The following TRABD2B variants were observed in gnomAD, a reference collection of about 807,000 sequenced individuals.
The protein encoded by TRABD2B is TraB domain containing 2B.
In TRABD2B, 14 loss-of-function variants were observed where a neutral mutation model predicts 40.1. That is an observed-to-expected ratio of 0.35 (90% CI 0.23 to 0.55). TRABD2B has a LOEUF of 0.55. Ranked by LOEUF, TRABD2B falls within the 20% of genes least tolerant of loss-of-function variation. The pLI is 0.90. For synonymous variants in TRABD2B, 263 were observed against 277.0 expected, an observed-to-expected ratio of 0.95 and a Z score of 0.50; for missense variants, 541 against 648.6, an observed-to-expected ratio of 0.83 and a Z score of 1.80.
chr1:47,927,801 G>A (rs934696402), intron 2 of TRABD2B, among the ~76,000 whole-genome samples: 1 of 152,196 alleles, frequency 6.6e-6, no homozygotes, highest in African/African-American at 2.4e-5. Flanking sequence ...TCCTTGCCCT[G>A]ATCTTTGCAT....
rs376044429 is a variant in TRABD2B, at chr1:47,930,688, C to T, written c.666+63346G>A. Reference sequence around the variant, plus strand: ...TCTCCTCTTCAAGGATCCCTTATCCCGAGAAAGAACATCTCAAGCCTGTGA... The same window carrying T: ...TCTCCTCTTCAAGGATCCCTTATCCTGAGAAAGAACATCTCAAGCCTGTGA... On this transcript the variant is annotated intron_variant, in intron 2 of 6. Coordinates refer to ENST00000606738, the MANE Select transcript of TRABD2B (RefSeq NM_001194986.2). 1.8e-4 allele frequency among the ~76,000 whole-genome samples: 27 copies of T among 152,228 alleles called. No individual in the cohort carries two copies. The South Asian group carries it at 4.6e-3, about 26-fold the overall frequency.
At chr1:47,820,848 C>T (rs1187934659) in intron 2 of TRABD2B, among the ~76,000 whole-genome samples, 2 of 151,346 alleles carry the variant, frequency 1.3e-5, no homozygotes, top group Non-Finnish European at 2.9e-5. Context: ...TTCCCATAAT[C>T]CATGAAGGAA....
At chr1:47,933,282 T>G (rs1014255491) in intron 2 of TRABD2B, among the ~76,000 whole-genome samples, 2 of 151,356 alleles carry the variant, frequency 1.3e-5, no homozygotes, top group Non-Finnish European at 2.9e-5. Flanking sequence ...ATTTTTTTTT[T>G]TGTATTTTTT....
intron 2 of TRABD2B, among the ~76,000 whole-genome samples, chr1:47,909,559 A>G (rs1244959808): frequency 5.1e-5 from 6 of 117,416 alleles, no homozygotes; most frequent in Non-Finnish European, 6.9e-5. Context: ...AAGAAGGAAG[A>G]AGGAGGAGGA....
At chr1:47,912,851 C>T (rs1449916654) in intron 2 of TRABD2B, among the ~76,000 whole-genome samples, 1 of 152,142 alleles carries the variant, frequency 6.6e-6, no homozygotes, top group African/African-American at 2.4e-5. Flanking sequence ...CTAGTCATTA[C>T]CATCTCCAGG....
intron 4 of TRABD2B, among the ~76,000 whole-genome samples, chr1:47,786,847 G>A (rs1644602131): frequency 1.3e-5 from 2 of 152,118 alleles, no homozygotes; most frequent in African/African-American, 2.4e-5. Context: ...CTATAGGCAT[G>A]CATCACCATG....
intron 2 of TRABD2B, among the ~76,000 whole-genome samples, chr1:47,881,430 C>T (rs1002389404): frequency 6.6e-6 from 1 of 152,180 alleles, no homozygotes; most frequent in Admixed American, 6.5e-5. Flanking sequence ...TTAGTATACA[C>T]CAGGAACTCT....
In TRABD2B at chr1:47,794,501, T is replaced by C; in HGVS notation, c.988+85A>G. 3 of 1,381,588 alleles carry C rather than the reference T, an allele frequency of 2.2e-6. No homozygotes were observed. The East Asian group carries it at 8.0e-5, about 37-fold the overall frequency. The allele number at this position is 1,381,588 out of a possible 1,614,324, so 85.6% of individuals were successfully genotyped here. A position where few individuals can be genotyped will look rare whatever the true frequency, so the allele number is the denominator to read the frequency against. ...CTGCCCCATCCTGGGCCTCGACTTC[T>C]CCCTCGATGAAGTAGAGGTTAGGGG... is the stretch of plus-strand genomic sequence containing the variant. On this transcript the variant is annotated intron_variant, in intron 4 of 6. Transcript: ENST00000606738.
At position 47,918,109 on chromosome 1, in the gene TRABD2B, T is replaced by A. The variant is rs895215150; in HGVS notation, c.666+75925A>T. ...CTGCTTTTAAGGCCCAGTCAGAACA[T>A]CACCTTCACTCTACAGCCTGCTGTG... On this transcript the variant is annotated intron_variant, in intron 2 of 6. Coordinates refer to ENST00000606738, the MANE Select transcript of TRABD2B (RefSeq NM_001194986.2). 2.0e-5 allele frequency among the ~76,000 whole-genome samples: 3 copies of A among 152,326 alleles called. No individual in the cohort carries two copies. The South Asian group carries it at 6.2e-4, about 32-fold the overall frequency.
intron 2 of TRABD2B, among the ~76,000 whole-genome samples, chr1:47,833,586 C>A (rs72894215): frequency 0.012 from 1,828 of 152,348 alleles, 41 homozygotes; most frequent in African/African-American, 0.042. Flanking sequence ...TGGAGTCTCA[C>A]TGCCTCTAGT....
chr1:47,875,674 C>CAAAA lies in TRABD2B; in HGVS notation c.667-74059_667-74056dup, dbSNP rs10541556. ...TGCACAACAGAGTGAAACCCTGTCT[C>CAAAA]AAAAAAAAAAAAAAAAAAAAAAAAA... is the stretch of plus-strand genomic sequence containing the variant. On this transcript the variant is annotated intron_variant, in intron 2 of 6. Coordinates refer to ENST00000606738, the MANE Select transcript of TRABD2B (RefSeq NM_001194986.2). 1.6e-4 allele frequency among the ~76,000 whole-genome samples: 12 copies of CAAAA among 75,934 alleles called. No individual in the cohort carries two copies. The South Asian group carries it at 3.2e-3, about 20-fold the overall frequency. 49.8% of individuals were successfully genotyped at this position (75,934 alleles called of 152,430 possible). A position where few individuals can be genotyped will look rare whatever the true frequency, so the allele number is the denominator to read the frequency against.
intron 2 of TRABD2B, among the ~76,000 whole-genome samples, chr1:47,886,394 T>C (rs1644371572): frequency 6.6e-6 from 1 of 152,210 alleles, no homozygotes. Flanking sequence ...TTGCTTCTTG[T>C]TCCTCTCTAC....
intron 2 of TRABD2B, among the ~76,000 whole-genome samples, chr1:47,957,730 T>A (rs1419130796): frequency 6.6e-6 from 1 of 152,172 alleles, no homozygotes; most frequent in Non-Finnish European, 1.5e-5. Context: ...AATCTACATC[T>A]GATTGGTGTA....
At chr1:47,833,961 T>G (rs1645283852) in intron 2 of TRABD2B, among the ~76,000 whole-genome samples, 1 of 152,244 alleles carries the variant, frequency 6.6e-6, no homozygotes. Context: ...GTAAGCTTTG[T>G]GGCATTTTAA....
intron 5 of TRABD2B, among the ~76,000 whole-genome samples, chr1:47,777,303 C>T (rs906358979): frequency 1.3e-5 from 2 of 152,200 alleles, no homozygotes; most frequent in Non-Finnish European, 2.9e-5. Flanking sequence ...CACATGCTTG[C>T]CCCTGGCCCC....
intron 2 of TRABD2B, among the ~76,000 whole-genome samples, chr1:47,837,791 A>G (rs1446173595): frequency 1.3e-5 from 2 of 152,222 alleles, no homozygotes; most frequent in Non-Finnish European, 1.5e-5. Flanking sequence ...GTAGCCTGCT[A>G]TGGGCCAGGC....
intron 2 of TRABD2B, among the ~76,000 whole-genome samples, chr1:47,876,164 T>C (rs1192471548): frequency 6.6e-6 from 1 of 152,194 alleles, no homozygotes; most frequent in Non-Finnish European, 1.5e-5. Flanking sequence ...GACTTGTCAC[T>C]GAGCTTGAAC....
intron 2 of TRABD2B, among the ~76,000 whole-genome samples, chr1:47,962,263 A>C (rs924006214): frequency 1.3e-5 from 2 of 152,106 alleles, no homozygotes; most frequent in Non-Finnish European, 1.5e-5. Context: ...ACCTAATGTA[A>C]ATGACGAGTT....
chr1:47,920,762 C>G (rs928372470), intron 2 of TRABD2B, among the ~76,000 whole-genome samples: 6 of 152,162 alleles, frequency 3.9e-5, no homozygotes, highest in African/African-American at 1.4e-4. Flanking sequence ...GTGCTGAGCA[C>G]AGGGTTGCGT....
Sources: allele counts gnomAD v4.1 joint callset (sites outside exome capture counted in the v4.1 genomes callset), GRCh38; gene constraint gnomAD v4.1.1; transcripts MANE v1.5; gene names NCBI Gene and HGNC (gene_info 2026-07-23, HGNC 2026-07-21).